Variants in TMEM100 observed in about 807,000 individuals in gnomAD.
TMEM100 encodes the protein transmembrane protein 100.
For missense variants in TMEM100, 137 were observed against 168.2 expected (o/e 0.81, Z 1.02); for synonymous variants, 61 against 67.1 (o/e 0.91, Z 0.44).
At position 55,720,655 on chromosome 17, in the gene TMEM100, C is replaced by T. The variant is rs376662097; in HGVS notation, c.*11G>A. The stretch of plus-strand genomic sequence containing the variant: ...TTCCAGGCCCAATGGCCCATTTGGT[C>T]GTATTCAGTCTCAAGCAAACAAGCT... On this transcript the variant is annotated 3_prime_UTR_variant, in exon 2 of 2. Coordinates refer to ENST00000424486, the MANE Select transcript of TMEM100 (RefSeq NM_018286.3). 4.6e-5 allele frequency: 73 copies of T among 1,585,608 alleles called. No homozygotes were observed. The highest frequency in any genetic ancestry group is 6.0e-5 in the Non-Finnish European group (70 of 1,167,810).
upstream of TMEM100, among the ~76,000 whole-genome samples, chr17:55,725,777 C>T (rs1410497162): frequency 6.8e-6 from 1 of 148,022 alleles, no homozygotes; most frequent in Admixed American, 6.8e-5. Context: ...AGAGAAAGGG[C>T]ATCAAGTTTG....
upstream of TMEM100, among the ~76,000 whole-genome samples, chr17:55,723,226 T>C (rs1050782596): frequency 2.0e-5 from 3 of 152,100 alleles, no homozygotes; most frequent in Non-Finnish European, 4.4e-5. Flanking sequence ...GGACAGATAC[T>C]CTAGGGTGGC....
At chr17:55,731,488 G>A (rs558309795) in intron 1 of TMEM100, among the ~76,000 whole-genome samples, 1 of 152,068 alleles carries the variant, frequency 6.6e-6, no homozygotes, top group Non-Finnish European at 1.5e-5. Context: ...TCCATCTGTA[G>A]ATACTTCATT....
chr17:55,730,496 T>C (rs1909177202), intron 1 of TMEM100, among the ~76,000 whole-genome samples: 2 of 152,198 alleles, frequency 1.3e-5, no homozygotes, highest in Admixed American at 1.3e-4. Flanking sequence ...CTGTGGAATA[T>C]TGTTTCTGTG....
chr17:55,721,968 T>C (rs1416277413), intron 1 of TMEM100: 1 of 152,252 alleles, frequency 6.6e-6, no homozygotes, highest in Non-Finnish European at 1.5e-5. Flanking sequence ...ATTTCGATAT[T>C]ATGTATACTA....
chr17:55,721,669 A>G (rs1239237520), intron 1 of TMEM100: 1 of 153,058 alleles, frequency 6.5e-6, no homozygotes, highest in Non-Finnish European at 1.5e-5. Flanking sequence ...ATGACAGCCA[A>G]CAAATCTTTA....
At chr17:55,725,072 A>G (rs957511179), upstream of TMEM100, among the ~76,000 whole-genome samples, 10 of 152,228 alleles carry the variant, frequency 6.6e-5, no homozygotes. Context: ...GAAGAATAGA[A>G]GCCTGTCATC....
At chr17:55,724,281 G>A (rs1379811681), upstream of TMEM100, among the ~76,000 whole-genome samples, 1 of 152,188 alleles carries the variant, frequency 6.6e-6, no homozygotes, top group East Asian at 1.9e-4. Flanking sequence ...AGAGGGACCA[G>A]AAGTTGTTTA....
At position 55,720,834 on chromosome 17, in the gene TMEM100, A is replaced by G; in HGVS notation, c.237T>C (p.Asn79=). 6.2e-7 allele frequency: 1 copy of G among 1,614,208 alleles called. No homozygotes were observed. Among genetic ancestry groups the G allele is most frequent in the South Asian group, 1.1e-5 (1 of 91,086 alleles). ...IVVTAVAYSF[N]SHGSIISIFG... ...AGATGGAGATAATAGACCCATGGGAATTGAAGCTGTAAGCCACCGCGGTGA... is the reference window on the plus strand; with the variant it reads ...AGATGGAGATAATAGACCCATGGGAGTTGAAGCTGTAAGCCACCGCGGTGA... The change falls in exon 2 of 2, where the codon AAT becomes AAC. Residue 79 remains asparagine, a synonymous_variant. Transcript: ENST00000424486.
intron 1 of TMEM100, 57 bp downstream of exon 1, chr17:55,722,562 A>G (rs1908928942): frequency 6.6e-6 from 1 of 152,232 alleles, no homozygotes; most frequent in South Asian, 2.1e-4. Flanking sequence ...TTCACCCCAA[A>G]GCTGAGATTG....
chr17:55,730,252 G>T (rs1175044415), intron 1 of TMEM100, among the ~76,000 whole-genome samples: 1 of 152,018 alleles, frequency 6.6e-6, no homozygotes, highest in Admixed American at 6.6e-5. Flanking sequence ...ATAAAATAAT[G>T]ACTCTACATT....
chr17:55,729,591 G>A (rs73312378), intron 1 of TMEM100, among the ~76,000 whole-genome samples: 1 of 151,984 alleles, frequency 6.6e-6, no homozygotes, highest in African/African-American at 2.4e-5. Context: ...ATAAAATTTC[G>A]AGTAAAATTA....
chr17:55,721,065 A>C lies in TMEM100; in HGVS notation c.6T>G (p.Thr2=), dbSNP rs1367773031. 2.5e-6 allele frequency: 4 copies of C among 1,608,008 alleles called. No individual in the cohort carries two copies. Among genetic ancestry groups the C allele is most frequent in the Non-Finnish European group, 3.4e-6 (4 of 1,177,106 alleles). ...CCAGGATCTCCTTGATGGGCTCTTC[A>C]GTCATTTTTACAACAGTGCTTCTAA... The part of the protein sequence containing the change: M[T]EEPIKEILGA... Residue 2 remains threonine, a synonymous_variant, in exon 2 of 2, where the codon ACT becomes ACG. Coordinates refer to ENST00000424486, the MANE Select transcript of TMEM100 (RefSeq NM_018286.3).
At chr17:55,726,026 G>A (rs1909062980), upstream of TMEM100, among the ~76,000 whole-genome samples, 1 of 152,122 alleles carries the variant, frequency 6.6e-6, no homozygotes, top group Non-Finnish European at 1.5e-5. Flanking sequence ...GTAATAAAAG[G>A]AGTACAAGGA....
chr17:55,720,476 G>A lies in TMEM100; in HGVS notation c.*190C>T. ...TTCAGTCTCAGAAGTAGCCCTTAGG[G>A]TTAAGTTTGTCGTTAAAGAAGACAT... On this transcript the variant is annotated 3_prime_UTR_variant, in exon 2 of 2. Transcript: ENST00000424486. 1 of 712,780 alleles carries A rather than the reference G, an allele frequency of 1.4e-6. No homozygotes were observed. Among genetic ancestry groups the A allele is most frequent in the Non-Finnish European group, 2.2e-6 (1 of 447,640 alleles). 44.2% of individuals were successfully genotyped at this position (712,780 alleles called of 1,614,324 possible). A position where few individuals can be genotyped will look rare whatever the true frequency, so the allele number is the denominator to read the frequency against.
upstream of TMEM100, among the ~76,000 whole-genome samples, chr17:55,725,912 G>T (rs1162215045): frequency 6.6e-6 from 1 of 152,164 alleles, no homozygotes; most frequent in African/African-American, 2.4e-5. Flanking sequence ...CTGCAGAAAA[G>T]AATTCGTAAT....
chr17:55,727,031 T>C (rs1483537644), upstream of TMEM100, among the ~76,000 whole-genome samples: 2 of 152,204 alleles, frequency 1.3e-5, no homozygotes, highest in Non-Finnish European at 2.9e-5. Context: ...AACATACATC[T>C]TTTAGATTCA....
Position 55,721,135 on chromosome 17 carries a change from G to A in TMEM100, c.-65C>T, listed in dbSNP as rs367641446. The A allele has an allele frequency of 5.0e-4, 757 of 1,517,352 alleles. 5 individuals are homozygous for A. The African/African-American group carries it at 9.3e-3, about 19-fold the overall frequency. 94.0% of individuals were successfully genotyped at this position (1,517,352 alleles called of 1,614,324 possible). ...TCTGGACAGTCTCACCAGGGTGAAA[G>A]CTGTGAAGATAACAGGAGATGTCAG... On this transcript the variant is annotated splice_region_variant and 5_prime_UTR_variant, in exon 2 of 2. Transcript: ENST00000424486.
Position 55,729,430 on chromosome 17 carries a change from G to A in TMEM100, c.-358-1448C>T, listed in dbSNP as rs375023657. On this transcript the variant is annotated intron_variant, in intron 1 of 3. Coordinates refer to the TMEM100 transcript ENST00000575734. Reference sequence around the variant, plus strand: ...AAATAGGTCAGGACAAGGAGTAGATGTGGGGCGAGGAATATGTGATAATTT... The same window carrying A: ...AAATAGGTCAGGACAAGGAGTAGATATGGGGCGAGGAATATGTGATAATTT... 2.8e-3 allele frequency among the ~76,000 whole-genome samples: 424 copies of A among 152,324 alleles called. 3 individuals carry two copies. The highest frequency in any genetic ancestry group is 9.0e-3 in the African/African-American group (375 of 41,574).
Sources: gnomAD v4.1 joint callset for allele counts (sites outside exome capture counted in the v4.1 genomes callset) on GRCh38, gnomAD v4.1.1 for gene constraint, MANE v1.5 for transcripts, NCBI Gene and HGNC (gene_info 2026-07-23, HGNC 2026-07-21) for gene names.